RGS7: variants seen among roughly 807,000 people sequenced by gnomAD.
RGS7 encodes regulator of G protein signaling 7, also known as regulator of G-protein signaling 7.
In RGS7, 27 loss-of-function variants were observed where a neutral mutation model predicts 81.1. The observed-to-expected ratio is 0.33, with a 90% CI of 0.25 to 0.46. The LOEUF (loss-of-function observed/expected upper bound fraction) is 0.46, where lower values mean the gene tolerates loss of function less well. Among genes scored for constraint, RGS7 ranks in the 20% least tolerant of loss-of-function variants. The probability of loss-of-function intolerance (pLI) is 1.00; values close to 1 mark genes in which losing one functional copy is unlikely to be tolerated. For synonymous variants in RGS7, 208 were observed against 207.7 expected, an observed-to-expected ratio of 1.00 and a Z score of -0.01; for missense variants, 396 against 607.4, an observed-to-expected ratio of 0.65 and a Z score of 3.66.
chr1:241,306,229 C>T (rs867428785), intron 2 of RGS7, among the ~76,000 whole-genome samples: 3 of 150,234 alleles, frequency 2.0e-5, no homozygotes, highest in South Asian at 2.1e-4. Flanking sequence ...GCACACACTA[C>T]TACACACCCT....
chr1:240,778,858 C>G (rs1683443175), intron 18 of RGS7, among the ~76,000 whole-genome samples: 1 of 152,022 alleles, frequency 6.6e-6, no homozygotes, highest in Non-Finnish European at 1.5e-5. Flanking sequence ...GCTGGCATTT[C>G]CCACTAGGCT....
chr1:241,311,922 C>G (rs570125011), intron 2 of RGS7, among the ~76,000 whole-genome samples: 2 of 152,200 alleles, frequency 1.3e-5, no homozygotes, highest in African/African-American at 4.8e-5. Flanking sequence ...AACACCTCAG[C>G]GCAGCTCTGA....
At chr1:240,809,453 A>C (rs1400016307) in intron 14 of RGS7, among the ~76,000 whole-genome samples, 13 of 152,170 alleles carry the variant, frequency 8.5e-5, no homozygotes, top group African/African-American at 3.1e-4. Flanking sequence ...TGTCTCCTTC[A>C]GTGTGTGACA....
intron 3 of RGS7, among the ~76,000 whole-genome samples, chr1:241,077,914 A>C (rs1164703663): frequency 1.3e-5 from 2 of 152,174 alleles, no homozygotes; most frequent in Non-Finnish European, 2.9e-5. Context: ...AGAATGAAGC[A>C]AAAAACAGGA....
intron 18 of RGS7, among the ~76,000 whole-genome samples, chr1:240,784,137 A>C (rs1218893186): frequency 6.6e-6 from 1 of 151,790 alleles, no homozygotes; most frequent in Non-Finnish European, 1.5e-5. Flanking sequence ...CAGTGAGCCA[A>C]GATTGTGCCA....
chr1:240,881,510 A>T (rs1274502628), intron 6 of RGS7, among the ~76,000 whole-genome samples: 1 of 152,230 alleles, frequency 6.6e-6, no homozygotes. Context: ...AATAAAAAAA[A>T]GCAGGGTTTT....
chr1:240,824,877 TC>T (rs372230295), intron 10 of RGS7, among the ~76,000 whole-genome samples: 11 of 152,214 alleles, frequency 7.2e-5, no homozygotes, highest in South Asian at 6.2e-4. Context: ...GTTTTGTTTT[TC>T]TCTCTGTCTC....
At chr1:241,166,713 C>T (rs1187615594) in intron 2 of RGS7, among the ~76,000 whole-genome samples, 1 of 152,164 alleles carries the variant, frequency 6.6e-6, no homozygotes, top group African/African-American at 2.4e-5. Context: ...GCAAGAGAAC[C>T]CTGGGCCCCA....
At chr1:241,135,901 C>CA (rs937329590) in intron 2 of RGS7, among the ~76,000 whole-genome samples, 14 of 149,092 alleles carry the variant, frequency 9.4e-5, no homozygotes, top group African/African-American at 3.5e-4. Context: ...GCCACCTGAC[C>CA]AGTAGCCTTT....
chr1:241,073,291 C>T (rs188980210), intron 3 of RGS7, among the ~76,000 whole-genome samples: 3 of 152,244 alleles, frequency 2.0e-5, no homozygotes, highest in East Asian at 1.9e-4. Context: ...TGGGGAAGAA[C>T]GGGAGACTAA....
chr1:240,973,734 G>C (rs1441240527), intron 4 of RGS7, among the ~76,000 whole-genome samples: 6 of 151,758 alleles, frequency 4.0e-5, no homozygotes, highest in Non-Finnish European at 8.8e-5. Context: ...GGACTACAGG[G>C]GCCCACCACC....
intron 2 of RGS7, among the ~76,000 whole-genome samples, chr1:241,136,244 A>C (rs1419694423): frequency 6.6e-6 from 1 of 152,188 alleles, no homozygotes; most frequent in Non-Finnish European, 1.5e-5. Flanking sequence ...ACACTGTGCT[A>C]AGCTCCTCAT....
rs777868061 is a variant in RGS7, at chr1:241,108,696, G to C, written c.79-9934C>G. 2.6e-5 allele frequency among the ~76,000 whole-genome samples: 4 copies of C among 152,140 alleles called. No individual in the cohort carries two copies. The East Asian group carries it at 7.7e-4, about 29-fold the overall frequency. Reference sequence around the variant, plus strand: ...GACTTCATGGGAAAAGTAAGATTAAGCTGATCCTAGAGGGTAGGCAGGATA... The same window carrying C: ...GACTTCATGGGAAAAGTAAGATTAACCTGATCCTAGAGGGTAGGCAGGATA... On this transcript the variant is annotated intron_variant, in intron 2 of 18. Coordinates refer to ENST00000440928, the MANE Select transcript of RGS7 (RefSeq NM_001364886.1).
chr1:241,234,755 T>C (rs768676305), intron 2 of RGS7, among the ~76,000 whole-genome samples: 3 of 152,176 alleles, frequency 2.0e-5, no homozygotes, highest in Non-Finnish European at 4.4e-5. Flanking sequence ...AAGAGGTTTA[T>C]ACCACATCCT....
chr1:241,336,169 T>C (rs1368939353), intron 2 of RGS7, among the ~76,000 whole-genome samples: 1 of 152,178 alleles, frequency 6.6e-6, no homozygotes, highest in Non-Finnish European at 1.5e-5. Context: ...TAAAATATTT[T>C]GATGGCACAT....
At chr1:241,345,064 A>G (rs980629724) in intron 2 of RGS7, among the ~76,000 whole-genome samples, 1 of 152,202 alleles carries the variant, frequency 6.6e-6, no homozygotes. Flanking sequence ...ACAACAAAGA[A>G]CAAGATCATG....
chr1:240,800,907 T>C (rs1229574205), intron 17 of RGS7, among the ~76,000 whole-genome samples, 186 bp from the exon 18 acceptor site: 1 of 152,034 alleles, frequency 6.6e-6, no homozygotes, highest in Non-Finnish European at 1.5e-5. Flanking sequence ...TATGCAACAG[T>C]TTTCAACACC....
intron 2 of RGS7, among the ~76,000 whole-genome samples, chr1:241,165,686 C>T (rs2070150847): frequency 6.7e-6 from 1 of 150,066 alleles, no homozygotes; most frequent in South Asian, 2.1e-4. Flanking sequence ...TGCTAGATGA[C>T]GAGTTAGTGG....
Position 240,891,030 on chromosome 1 carries a change from A to G in RGS7, c.386-20911T>C, listed in dbSNP as rs115961074. Reference sequence around the variant, plus strand: ...GATAGTGACATCACCTGATCAATGCAGAAAGAAAGGATTATAGTGAGACAA... The same window carrying G: ...GATAGTGACATCACCTGATCAATGCGGAAAGAAAGGATTATAGTGAGACAA... On this transcript the variant is annotated intron_variant, in intron 6 of 18. Coordinates refer to ENST00000440928, the MANE Select transcript of RGS7 (RefSeq NM_001364886.1). Among the ~76,000 whole-genome samples the G allele has an allele frequency of 3.6e-3, 545 of 152,358 alleles. 4 individuals are homozygous for G. Among genetic ancestry groups the G allele is most frequent in the African/African-American group, 0.013 (522 of 41,586 alleles).
Sources: allele counts gnomAD v4.1 joint callset (sites outside exome capture counted in the v4.1 genomes callset), GRCh38; gene constraint gnomAD v4.1.1; transcripts MANE v1.5; gene names NCBI Gene and HGNC (gene_info 2026-07-23, HGNC 2026-07-21).